The following MSANTD1 variants were observed in gnomAD, a reference collection of about 807,000 sequenced individuals.
MSANTD1 encodes myb/SANT-like DNA-binding domain-containing protein 1.
MSANTD1 carries 7 observed loss-of-function variants against 24.2 expected under a neutral mutation model. That is an observed-to-expected ratio of 0.29 (90% confidence interval 0.16 to 0.54). MSANTD1 has a LOEUF of 0.54. Ranked by LOEUF, MSANTD1 falls within the 20% of genes least tolerant of loss-of-function variation. The probability of loss-of-function intolerance (pLI) is 0.94; values close to 1 mark genes in which losing one functional copy is unlikely to be tolerated. For missense variants in MSANTD1, 384 were observed against 408.2 expected (o/e 0.94, Z 0.51); for synonymous variants, 177 against 181.1 (o/e 0.98, Z 0.18).
Position 3,249,366 on chromosome 4 carries a change from C to A in MSANTD1, c.144C>A (p.Asp48Glu). 1 of 1,563,468 alleles carries A rather than the reference C, an allele frequency of 6.4e-7. No homozygotes were observed. ...EKHRRARNWT[D>E]AEMRGLMLVW... ...ACCGGCGGGCCCGCAACTGGACGGA[C>A]GCCGAGATGCGCGGCCTCATGCTGG... Residue 48 changes from aspartate (D) to glutamate (E), a missense_variant, in exon 1 of 3, where the codon GAC (aspartate) becomes GAA (glutamate). Transcript: ENST00000438480.
intron 2 of MSANTD1, among the ~76,000 whole-genome samples, chr4:3,255,190 C>T (rs181206407): frequency 2.6e-4 from 39 of 152,004 alleles, no homozygotes; most frequent in East Asian, 1.9e-4. Context: ...ATCCGCTAGT[C>T]GCAAAGGACG....
At chr4:3,251,763 T>C (rs1722238609) in intron 1 of MSANTD1, among the ~76,000 whole-genome samples, 1 of 151,738 alleles carries the variant, frequency 6.6e-6, no homozygotes, top group African/African-American at 2.4e-5. Flanking sequence ...AGAGGGTGGC[T>C]GGTTCTGTGG....
chr4:3,249,874 C>T lies in MSANTD1; in HGVS notation c.320+332C>T, dbSNP rs552811033. On this transcript the variant is annotated intron_variant, in intron 1 of 2. Coordinates refer to ENST00000438480, the MANE Select transcript of MSANTD1 (RefSeq NM_001042690.2). Reference sequence around the variant, plus strand: ...TATGGGCGGTCTGGGCACTGTCCCTCGGAGGCAGCAACACTCATGGTGGTG... The same window carrying T: ...TATGGGCGGTCTGGGCACTGTCCCTTGGAGGCAGCAACACTCATGGTGGTG... 2.0e-4 allele frequency among the ~76,000 whole-genome samples: 30 copies of T among 152,258 alleles called. 1 individual carries two copies. Among genetic ancestry groups the T allele is most frequent in the Admixed American group, 1.8e-3 (27 of 15,298 alleles).
Position 3,249,305 on chromosome 4 carries a change from G to A in MSANTD1, c.83G>A (p.Gly28Glu), listed in dbSNP as rs969253801. ...GCCTCCGGCATGGCGGCGGCCGAGG[G>A]GCCCGGCTACCTCGTGTCTCCCCAG... ...TGASGMAAAE[G>E]PGYLVSPQAE... Residue 28 changes from glycine to glutamate, a missense_variant, in exon 1 of 3, where the codon GGG (glycine) becomes GAG (glutamate). By Grantham distance (98) the Gly-to-Glu change is moderately conservative. Transcript: ENST00000438480. 4 of 1,538,074 alleles carry A rather than the reference G, an allele frequency of 2.6e-6. No homozygotes were observed. In the African/African-American group the frequency reaches 5.5e-5, roughly 21 times the overall value.
At chr4:3,250,446 G>T (rs1722189325) in intron 1 of MSANTD1, among the ~76,000 whole-genome samples, 1 of 152,232 alleles carries the variant, frequency 6.6e-6, no homozygotes. Flanking sequence ...GTGGGCAGGG[G>T]TCATGGTGGG....
chr4:3,251,617 G>A (rs1722229892), intron 1 of MSANTD1, among the ~76,000 whole-genome samples: 1 of 152,150 alleles, frequency 6.6e-6, no homozygotes, highest in South Asian at 2.1e-4. Context: ...CTGTGGCTGG[G>A]TGACTCGATC....
chr4:3,250,149 T>A (rs900183650), intron 1 of MSANTD1, among the ~76,000 whole-genome samples: 6 of 151,860 alleles, frequency 4.0e-5, no homozygotes, highest in Non-Finnish European at 5.9e-5. Context: ...AATCACCAGG[T>A]GAGGTGCAGG....
upstream of MSANTD1, among the ~76,000 whole-genome samples, chr4:3,246,099 C>T (rs186566454): frequency 7.4e-4 from 113 of 152,318 alleles, 1 homozygote; most frequent in South Asian, 1.7e-3. Flanking sequence ...GCCCCAGCGG[C>T]GGCAGTGTTG....
rs1268877308 is a variant in MSANTD1, at chr4:3,256,067, G to A, written c.*102G>A. 4 of 1,351,680 alleles carry A rather than the reference G, an allele frequency of 3.0e-6. No homozygotes were observed. The highest frequency in any genetic ancestry group is 3.4e-5 in the Admixed American group (1 of 29,702). The allele number at this position is 1,351,680 out of a possible 1,614,324, so 83.7% of individuals were successfully genotyped here. Reference sequence around the variant, plus strand: ...CAGGCGGGCAAGGGGGCCGCCCCGCGAGCGGAGACCGCCTTCCACCTGGCC... The same window carrying A: ...CAGGCGGGCAAGGGGGCCGCCCCGCAAGCGGAGACCGCCTTCCACCTGGCC... On this transcript the variant is annotated 3_prime_UTR_variant, in exon 3 of 3. Coordinates refer to ENST00000438480, the MANE Select transcript of MSANTD1 (RefSeq NM_001042690.2).
upstream of MSANTD1, among the ~76,000 whole-genome samples, chr4:3,246,980 G>A (rs1277230942): frequency 6.6e-6 from 1 of 152,198 alleles, no homozygotes; most frequent in Non-Finnish European, 1.5e-5. Flanking sequence ...AACTCGGGCA[G>A]GCAGGGGTGT....
Position 3,249,352 on chromosome 4 carries a change from C to T in MSANTD1, c.130C>T (p.Arg44Cys), listed in dbSNP as rs1371860013. The change falls in exon 1 of 3, where the codon CGC (arginine) becomes TGC (cysteine). Residue 44 changes from arginine to cysteine, a missense_variant. Physicochemically the swap from Arg to Cys is radical, Grantham distance 180 (BLOSUM62 -3). Transcript: ENST00000438480. Reference sequence around the variant, plus strand: ...CCAGGCGGAGAAGCACCGGCGGGCCCGCAACTGGACGGACGCCGAGATGCG... The same window carrying T: ...CCAGGCGGAGAAGCACCGGCGGGCCTGCAACTGGACGGACGCCGAGATGCG... ...SPQAEKHRRA[R>C]NWTDAEMRGL... The T allele has an allele frequency of 2.6e-6, 4 of 1,555,956 alleles. No individual in the cohort carries two copies. Among genetic ancestry groups the T allele is most frequent in the East Asian group, 4.8e-5 (2 of 41,576 alleles).
intron 1 of MSANTD1, 53 bp from the exon 2 acceptor site, chr4:3,253,154 G>T: frequency 6.8e-7 from 1 of 1,477,312 alleles, no homozygotes; most frequent in South Asian, 1.4e-5. Context: ...GGGCAGGACA[G>T]GGGCTGGGCC....
chr4:3,254,287 G>A (rs1184050866), intron 2 of MSANTD1, among the ~76,000 whole-genome samples: 4 of 152,226 alleles, frequency 2.6e-5, no homozygotes, highest in Non-Finnish European at 4.4e-5. Flanking sequence ...TAGTAGAGAA[G>A]GCGTCTCCGA....
upstream of MSANTD1, chr4:3,246,578 C>A (rs1261091738): frequency 1.8e-5 from 12 of 649,756 alleles, no homozygotes; most frequent in South Asian, 1.7e-5. Context: ...TGACCTGCCC[C>A]TTCTCCCTCA....
At chr4:3,246,182 C>T (rs939860955), upstream of MSANTD1, among the ~76,000 whole-genome samples, 3 of 152,284 alleles carry the variant, frequency 2.0e-5, no homozygotes, top group East Asian at 5.8e-4. Flanking sequence ...AGGGGCCCCC[C>T]GTGATTTGGG....
intron 1 of MSANTD1, among the ~76,000 whole-genome samples, chr4:3,251,149 G>A (rs544408689): frequency 7.9e-5 from 12 of 152,296 alleles, no homozygotes; most frequent in Admixed American, 2.6e-4. Context: ...GCAGCTGCCC[G>A]CGGCCCCACT....
intron 1 of MSANTD1, 81 bp downstream of exon 1, chr4:3,249,623 TGA>T (rs1722157927): frequency 7.3e-7 from 1 of 1,369,564 alleles, no homozygotes; most frequent in Admixed American, 2.2e-5. Context: ...CTTGGAGCTC[TGA>T]GTCGGGACGA....
At chr4:3,246,700 TGTG>T (rs1274626558), upstream of MSANTD1, 1 of 692,846 alleles carries the variant, frequency 1.4e-6, no homozygotes, top group Non-Finnish European at 2.6e-6. Flanking sequence ...AGGGGACAGA[TGTG>T]GGGACCCTCC....
intron 1 of MSANTD1, among the ~76,000 whole-genome samples, chr4:3,250,828 G>A (rs1476299668): frequency 1.3e-5 from 2 of 152,336 alleles, no homozygotes; most frequent in East Asian, 1.9e-4. Flanking sequence ...CCCCTCAGGC[G>A]AGGAGCCGGC....
Sources: gnomAD v4.1 joint callset for allele counts (sites outside exome capture counted in the v4.1 genomes callset) on GRCh38, gnomAD v4.1.1 for gene constraint, MANE v1.5 for transcripts, NCBI Gene and HGNC (gene_info 2026-07-23, HGNC 2026-07-21) for gene names.